Variants in SEZ6L observed in about 807,000 individuals in gnomAD.
The protein encoded by SEZ6L is seizure related 6 homolog like.
Under a neutral mutation model 106.2 loss-of-function variants are expected in SEZ6L, and 37 were observed. The observed-to-expected ratio is 0.35, with a 90% CI of 0.27 to 0.46. The LOEUF is 0.46. SEZ6L is among the 20% of genes least tolerant of loss of function. The pLI, the probability that SEZ6L is intolerant of heterozygous loss-of-function variation, is 1.00. For synonymous variants in SEZ6L, 541 were observed against 570.4 expected, an observed-to-expected ratio of 0.95 and a Z score of 0.73; for missense variants, 1,172 against 1,332.8, an observed-to-expected ratio of 0.88 and a Z score of 1.88.
At chr22:26,170,187 C>A (rs1022751399) in intron 1 of SEZ6L, among the ~76,000 whole-genome samples, 2 of 151,952 alleles carry the variant, frequency 1.3e-5, no homozygotes, top group Non-Finnish European at 2.9e-5. Context: ...ACCCACCCTG[C>A]AACTGAGGAC....
chr22:26,362,186 G>A (rs1345132897), intron 12 of SEZ6L, among the ~76,000 whole-genome samples: 1 of 152,222 alleles, frequency 6.6e-6, no homozygotes, highest in Non-Finnish European at 1.5e-5. Context: ...CTTGGAGGGA[G>A]CCCCATGATT....
At chr22:26,351,671 C>T (rs948896891) in intron 12 of SEZ6L, among the ~76,000 whole-genome samples, 3 of 152,040 alleles carry the variant, frequency 2.0e-5, no homozygotes, top group Non-Finnish European at 4.4e-5. Context: ...CTCAGCCTCC[C>T]GAGTAGCTGG....
chr22:26,348,701 AGAAGGCAAGGGAG>A, intron 11 of SEZ6L, among the ~76,000 whole-genome samples: 1 of 63,420 alleles, frequency 1.6e-5, no homozygotes, highest in Non-Finnish European at 3.2e-5. Context: ...AAAGAAAGAA[AGAAGGCAAGGGAG>A]GGAAGGGAGG....
chr22:26,359,467 A>G (rs141645541), intron 12 of SEZ6L, among the ~76,000 whole-genome samples: 102 of 152,226 alleles, frequency 6.7e-4, no homozygotes, highest in African/African-American at 2.4e-3. Flanking sequence ...TTAACACGTT[A>G]CCCAACCGTT....
At chr22:26,318,499 G>T (rs1349254235) in intron 9 of SEZ6L, among the ~76,000 whole-genome samples, 1 of 151,676 alleles carries the variant, frequency 6.6e-6, no homozygotes, top group Non-Finnish European at 1.5e-5. Flanking sequence ...GAGGGTTTAA[G>T]CTCCCTTCTC....
intron 16 of SEZ6L, among the ~76,000 whole-genome samples, chr22:26,378,425 A>G (rs2084303532): frequency 6.6e-6 from 1 of 152,244 alleles, no homozygotes; most frequent in African/African-American, 2.4e-5. Flanking sequence ...GCCTGAAGCC[A>G]GGATGCAAAT....
At position 26,297,055 on chromosome 22, in the gene SEZ6L, T is replaced by A; in HGVS notation, c.1137T>A (p.Leu379=). 8 of 1,613,340 alleles carry A rather than the reference T, an allele frequency of 5.0e-6. No individual in the cohort carries two copies. Among genetic ancestry groups the A allele is most frequent in the Non-Finnish European group, 6.8e-6 (8 of 1,179,572 alleles). The stretch of plus-strand genomic sequence containing the variant: ...TCCGGACCTTCCAGGACGACGGCCT[T>A]GGGACCTTCCAGCTTCACTACCAGG... The part of the protein sequence containing the change: ...VYFRTFQDDG[L]GTFQLHYQAF... Residue 379 remains leucine (L), a synonymous_variant, in exon 4 of 17, where the codon CTT becomes CTA. Transcript: ENST00000248933.
chr22:26,356,885 T>C (rs2083453602), intron 12 of SEZ6L, among the ~76,000 whole-genome samples: 1 of 151,864 alleles, frequency 6.6e-6, no homozygotes, highest in Admixed American at 6.6e-5. Context: ...CGTGATCTAA[T>C]GTTGAAACGG....
chr22:26,350,813 G>C (rs1453189756), intron 11 of SEZ6L, among the ~76,000 whole-genome samples: 4 of 151,896 alleles, frequency 2.6e-5, no homozygotes, highest in Admixed American at 6.6e-5. Flanking sequence ...CCCACCACCA[G>C]GCCAGGCTAA....
intron 1 of SEZ6L, among the ~76,000 whole-genome samples, chr22:26,179,637 C>T (rs1185294853): frequency 2.6e-5 from 4 of 152,212 alleles, no homozygotes; most frequent in East Asian, 1.9e-4. Flanking sequence ...AACAAAGACT[C>T]ATTCAGGATA....
intron 10 of SEZ6L, among the ~76,000 whole-genome samples, chr22:26,342,544 A>C (rs918585729): frequency 2.0e-5 from 3 of 151,346 alleles, no homozygotes; most frequent in Non-Finnish European, 2.9e-5. Context: ...AAAAAAAAAA[A>C]CATTAGCTGG....
intron 1 of SEZ6L, among the ~76,000 whole-genome samples, chr22:26,257,826 A>T (rs1856525681): frequency 6.6e-6 from 1 of 152,232 alleles, no homozygotes; most frequent in African/African-American, 2.4e-5. Context: ...ATTTAACTCC[A>T]GACAGCATTC....
Position 26,348,687 on chromosome 22 carries a change from A to G in SEZ6L, c.2407+774A>G, listed in dbSNP as rs184300091. ...GAAAGAAAGAAAGAAAGAAAGAAAG[A>G]AAGAAAGAAAGAAAGAAGGCAAGGG... On this transcript the variant is annotated intron_variant, in intron 11 of 16. Transcript: ENST00000248933. Among the ~76,000 whole-genome samples, 360 of 64,302 alleles carry G rather than the reference A, an allele frequency of 5.6e-3. 1 individual carries two copies. Among genetic ancestry groups the G allele is most frequent in the East Asian group, 8.1e-3 (14 of 1,728 alleles). 42.2% of individuals were successfully genotyped at this position (64,302 alleles called of 152,430 possible).
chr22:26,374,582 C>T (rs961268895), intron 14 of SEZ6L, among the ~76,000 whole-genome samples: 1 of 152,152 alleles, frequency 6.6e-6, no homozygotes, highest in Non-Finnish European at 1.5e-5. Context: ...TGGGGTTGCT[C>T]GGAGCTTATG....
rs141442905 is a variant in SEZ6L at position 26,345,727 on chromosome 22, G to A, written c.2213-1992G>A. On this transcript the variant is annotated intron_variant, in intron 10 of 16. Coordinates refer to ENST00000248933, the MANE Select transcript of SEZ6L (RefSeq NM_021115.5). ...CAGAATGACTTTCCTGCAGACAGCG[G>A]AGGTGCTCTCCTTTCCCCAGAAGCA... Among the ~76,000 whole-genome samples, 3 of 152,298 alleles carry A rather than the reference G, an allele frequency of 2.0e-5. No individual in the cohort carries two copies. In the East Asian group the frequency reaches 5.8e-4, roughly 29 times the overall value.
At chr22:26,338,344 T>C (rs532995033) in intron 9 of SEZ6L, among the ~76,000 whole-genome samples, 1 of 152,308 alleles carries the variant, frequency 6.6e-6, no homozygotes, top group Non-Finnish European at 1.5e-5. Flanking sequence ...TCAGGAACCA[T>C]GGTCTTACTC....
chr22:26,312,103 T>G (rs189053592), intron 8 of SEZ6L, 141 bp downstream of exon 8: 2 of 832,338 alleles, frequency 2.4e-6, no homozygotes, highest in African/African-American at 1.7e-5. Flanking sequence ...GGGTTCACTG[T>G]CCTTTGGTTC....
chr22:26,222,099 T>A (rs738652), intron 1 of SEZ6L, among the ~76,000 whole-genome samples: 1 of 151,952 alleles, frequency 6.6e-6, no homozygotes, highest in Non-Finnish European at 1.5e-5. Context: ...TGGGTGGCTG[T>A]TTAGAAATGA....
intron 9 of SEZ6L, among the ~76,000 whole-genome samples, chr22:26,317,795 C>G (rs2082046764): frequency 6.6e-6 from 1 of 151,992 alleles, no homozygotes; most frequent in Non-Finnish European, 1.5e-5. Context: ...GAGAGAGGGC[C>G]CTCAGTTTCC....
Sources: gnomAD v4.1 joint callset for allele counts (sites outside exome capture counted in the v4.1 genomes callset) on GRCh38, gnomAD v4.1.1 for gene constraint, MANE v1.5 for transcripts, NCBI Gene and HGNC (gene_info 2026-07-23, HGNC 2026-07-21) for gene names.